Variants in RHOBTB2 observed in about 807,000 individuals in gnomAD.
The protein encoded by RHOBTB2 is Rho related BTB domain containing 2, also known as rho-related BTB domain-containing protein 2.
A neutral mutation model predicts 66.5 loss-of-function variants in RHOBTB2; 39 were observed. That is an observed-to-expected ratio of 0.59 (90% CI 0.45 to 0.77). The LOEUF (loss-of-function observed/expected upper bound fraction) is 0.77. Among genes scored for constraint, RHOBTB2 ranks in the 30% least tolerant of loss-of-function variants. RHOBTB2 has a pLI of 0.00. For synonymous variants in RHOBTB2, 390 were observed against 395.0 expected (o/e 0.99, Z 0.15); for missense variants, 755 against 999.1 (o/e 0.76, Z 3.29).
chr8:22,995,936 GGT>G, upstream of RHOBTB2: 1 of 1,517,044 alleles, frequency 6.6e-7, no homozygotes, highest in Non-Finnish European at 9.0e-7. Flanking sequence ...GCAAAGGGAA[GGT>G]GCAGGTTGGA....
chr8:22,993,391 C>G (rs955418510), intron 2 of RHOBTB2, among the ~76,000 whole-genome samples: 1 of 152,216 alleles, frequency 6.6e-6, no homozygotes, highest in African/African-American at 2.4e-5. Flanking sequence ...CCTCCACACA[C>G]GGCCCAGATG....
Position 23,018,997 on chromosome 8 carries a change from T to G in RHOBTB2, c.*1528T>G, listed in dbSNP as rs1264564256. ...AGCAGCTGGGCCACAATTGCCCCTT[T>G]CCGTTTTCTAACCCCGACTCAGATT... On this transcript the variant is annotated 3_prime_UTR_variant, in exon 10 of 10. Transcript: ENST00000251822. 1 of 152,330 alleles carries G rather than the reference T, an allele frequency of 6.6e-6. No individual in the cohort carries two copies. The highest frequency in any genetic ancestry group is 1.5e-5 in the Non-Finnish European group (1 of 68,096). The allele number at this position is 152,330 out of a possible 1,614,324, so 9.4% of individuals were successfully genotyped here.
the RHOBTB2 span, among the ~76,000 whole-genome samples, chr8:22,966,506 C>T: frequency 6.8e-6 from 1 of 148,054 alleles, no homozygotes; most frequent in Admixed American, 6.7e-5. Flanking sequence ...AACATCAGGC[C>T]GGGTGTGGTG....
In RHOBTB2 at chr8:23,005,978, G is replaced by A; in HGVS notation, c.315G>A (p.Leu105=). Residue 105 remains leucine, a synonymous_variant, in exon 4 of 10, where the codon CTG becomes CTA. Transcript: ENST00000251822. ...FAYGRSDVVV[L]CFSIANPNSL... ...CCCGCAGATCTGATGTGGTGGTTCT[G>A]TGCTTCTCCATTGCCAACCCCAATT... The A allele has an allele frequency of 6.2e-7, 1 of 1,613,298 alleles. No individual in the cohort carries two copies. The highest frequency in any genetic ancestry group is 8.5e-7 in the Non-Finnish European group (1 of 1,179,326).
chr8:22,972,738 C>A, the RHOBTB2 span, among the ~76,000 whole-genome samples: 1 of 152,236 alleles, frequency 6.6e-6, no homozygotes, highest in Non-Finnish European at 1.5e-5. Context: ...AGGAGCCTGA[C>A]AACTGGCTTT....
chr8:23,011,492 C>T (rs1811146673), intron 7 of RHOBTB2, among the ~76,000 whole-genome samples: 1 of 152,226 alleles, frequency 6.6e-6, no homozygotes, highest in Admixed American at 6.5e-5. Context: ...ATCCCTGCCA[C>T]TCCTTAGTCC....
rs1490328030 is a variant in RHOBTB2, at chr8:23,006,156, C to T, written c.482+11C>T. 15 of 1,607,082 alleles carry T rather than the reference C, an allele frequency of 9.3e-6. No homozygotes were observed. The highest frequency in any genetic ancestry group is 1.1e-5 in the Non-Finnish European group (13 of 1,176,266). On this transcript the variant is annotated intron_variant, in intron 4 of 9. Transcript: ENST00000251822. This position sits in a 1 kb window ranked among gnomAD's most constrained non-coding sequence, Gnocchi z 6.1. ...GCGACCCTTGGCTAGGTAGGAGGTG[C>T]TGGTACCAAGGAGACAGACATGGAT... is the stretch of plus-strand genomic sequence containing the variant.
rs535787501 is a variant in RHOBTB2 at position 23,005,360 on chromosome 8, C to T, written c.193-12C>T. ...GCTGCCTTCGAGTCCCACTCTTCCT[C>T]CCCGTCCCCAGGTGCTGGAACGCTC... On this transcript the variant is annotated splice_polypyrimidine_tract_variant and intron_variant, in intron 2 of 9. Coordinates refer to ENST00000251822, the MANE Select transcript of RHOBTB2 (RefSeq NM_015178.3). The T allele has an allele frequency of 2.4e-5, 39 of 1,605,478 alleles. 1 individual carries two copies. The South Asian group carries it at 4.1e-4, about 17-fold the overall frequency.
In RHOBTB2 at chr8:23,018,546, C is replaced by T. The variant is rs1005800929; in HGVS notation, c.*1077C>T. On this transcript the variant is annotated 3_prime_UTR_variant, in exon 10 of 10. Transcript: ENST00000251822. The stretch of plus-strand genomic sequence containing the variant: ...ATGCCTTTCAGGAAAGGACTCGGCA[C>T]TTCTCTGACTGCGGAGGCCCTGACC... 1 of 152,310 alleles carries T rather than the reference C, an allele frequency of 6.6e-6. No homozygotes were observed. The highest frequency in any genetic ancestry group is 6.5e-5 in the Admixed American group (1 of 15,282). 9.4% of individuals were successfully genotyped at this position (152,310 alleles called of 1,614,324 possible).
chr8:23,015,819 G>T lies in RHOBTB2; in HGVS notation c.1966+76G>T, dbSNP rs1811275285. 2.9e-6 allele frequency: 3 copies of T among 1,050,948 alleles called. No homozygotes were observed. In the African/African-American group the frequency reaches 4.7e-5, roughly 17 times the overall value. 65.1% of individuals were successfully genotyped at this position (1,050,948 alleles called of 1,614,324 possible). ...TGCACAGCTCCCATGTAATCCCAGGGACCCCGAGGCTGCCAGTAATCCTTG... is the reference window on the plus strand; with the variant it reads ...TGCACAGCTCCCATGTAATCCCAGGTACCCCGAGGCTGCCAGTAATCCTTG... On this transcript the variant is annotated intron_variant, in intron 9 of 9. Transcript: ENST00000251822.
Position 23,004,142 on chromosome 8 carries a change from G to C in RHOBTB2, c.-10-283G>C. 2.2e-6 allele frequency: 1 copy of C among 456,650 alleles called. No homozygotes were observed. Among genetic ancestry groups the C allele is most frequent in the Non-Finnish European group, 4.1e-6 (1 of 244,798 alleles). 28.3% of individuals were successfully genotyped at this position (456,650 alleles called of 1,614,324 possible). A position where few individuals can be genotyped will look rare whatever the true frequency, so the allele number is the denominator to read the frequency against. Reference sequence around the variant, plus strand: ...CTCGGCAAGCTCCACTGGTGATCTCGCGTAGGTCTCCTTCATCCAGACGCA... The same window carrying C: ...CTCGGCAAGCTCCACTGGTGATCTCCCGTAGGTCTCCTTCATCCAGACGCA... On this transcript the variant is annotated intron_variant, in intron 1 of 9. Transcript: ENST00000251822. The surrounding 1 kb of genome is among the most constrained non-coding windows in gnomAD (Gnocchi z 6.4).
chr8:22,999,008 G>A (rs1195586662), upstream of RHOBTB2: 3 of 152,282 alleles, frequency 2.0e-5, no homozygotes, highest in African/African-American at 7.2e-5. Context: ...GCCTAGGTGG[G>A]AGACAGGTAA....
At chr8:22,994,612 G>T (rs1810498808), upstream of RHOBTB2, 3 of 1,551,568 alleles carry the variant, frequency 1.9e-6, no homozygotes, top group Non-Finnish European at 2.6e-6. Flanking sequence ...GGCCCCGATG[G>T]CCCCCAGAAG....
the RHOBTB2 span, among the ~76,000 whole-genome samples, chr8:22,967,739 T>C: frequency 6.6e-6 from 1 of 151,384 alleles, no homozygotes; most frequent in African/African-American, 2.4e-5. Context: ...TGGAGAGTTA[T>C]TGTTAAAGGA....
At chr8:22,983,891 C>A (rs1196175686), upstream of RHOBTB2, among the ~76,000 whole-genome samples, 1 of 152,140 alleles carries the variant, frequency 6.6e-6, no homozygotes, top group African/African-American at 2.4e-5. Context: ...TGCGCCACCA[C>A]GCCCAGCTAA....
At chr8:23,001,759 T>G (rs1344807691) in intron 1 of RHOBTB2, among the ~76,000 whole-genome samples, 2 of 152,062 alleles carry the variant, frequency 1.3e-5, no homozygotes, top group African/African-American at 4.8e-5. Flanking sequence ...CAGTGAAGTT[T>G]GCCAGTCAGG....
chr8:22,972,886 T>C, the RHOBTB2 span, among the ~76,000 whole-genome samples: 2 of 152,188 alleles, frequency 1.3e-5, no homozygotes, highest in Non-Finnish European at 2.9e-5. Context: ...CTCGGCTTCA[T>C]CCCTCCTCCT....
At chr8:22,995,323 C>T (rs1810519238), upstream of RHOBTB2, among the ~76,000 whole-genome samples, 1 of 152,154 alleles carries the variant, frequency 6.6e-6, no homozygotes, top group Admixed American at 6.6e-5. Flanking sequence ...TACGAAAGCT[C>T]CCCTGCCGGT....
In RHOBTB2 at chr8:23,005,978, G is replaced by T. The variant is rs1810936669; in HGVS notation, c.315G>T (p.Leu105=). 1.9e-6 allele frequency: 3 copies of T among 1,613,180 alleles called. No homozygotes were observed. Among genetic ancestry groups the T allele is most frequent in the Non-Finnish European group, 2.5e-6 (3 of 1,179,334 alleles). The change falls in exon 4 of 10, where the codon CTG becomes CTT. Residue 105 remains leucine, a synonymous_variant. Coordinates refer to ENST00000251822, the MANE Select transcript of RHOBTB2 (RefSeq NM_015178.3). ...CCCGCAGATCTGATGTGGTGGTTCT[G>T]TGCTTCTCCATTGCCAACCCCAATT... ...FAYGRSDVVV[L]CFSIANPNSL...
Sources: allele counts gnomAD v4.1 joint callset (sites outside exome capture counted in the v4.1 genomes callset), GRCh38; gene constraint gnomAD v4.1.1; non-coding constraint Gnocchi (gnomAD v3.1); transcripts MANE v1.5; gene names NCBI Gene and HGNC (gene_info 2026-07-23, HGNC 2026-07-21).